NKAIN2: variants seen among roughly 807,000 people sequenced by gnomAD.
NKAIN2 encodes sodium/potassium transporting ATPase interacting 2.
Under a neutral mutation model 32.6 loss-of-function variants are expected in NKAIN2, and 14 were observed. The observed-to-expected ratio is 0.43, with a 90% CI of 0.28 to 0.67. NKAIN2 has a LOEUF of 0.67. Among genes scored for constraint, NKAIN2 ranks in the 30% least tolerant of loss-of-function variants. The pLI, the probability that NKAIN2 is intolerant of heterozygous loss-of-function variation, is 0.17. For missense variants in NKAIN2, 198 were observed against 258.3 expected, an observed-to-expected ratio of 0.77 and a Z score of 1.60; for synonymous variants, 80 against 87.2, an observed-to-expected ratio of 0.92 and a Z score of 0.46.
At position 123,941,999 on chromosome 6, in the gene NKAIN2, T is replaced by C. The variant is rs146011683; in HGVS notation, c.54+137745T>C. Among the ~76,000 whole-genome samples the C allele has an allele frequency of 1.9e-3, 291 of 152,116 alleles. 1 individual carries two copies. Among genetic ancestry groups the C allele is most frequent in the African/African-American group, 6.8e-3 (282 of 41,548 alleles). On this transcript the variant is annotated intron_variant, in intron 1 of 6. Coordinates refer to ENST00000368417, the MANE Select transcript of NKAIN2 (RefSeq NM_001040214.3). ...TCAGAAATAGCTGTAAAATAGCTAG[T>C]ATGTAGCACTCTAAAGATGCAGCAT... is the stretch of plus-strand genomic sequence containing the variant.
At chr6:124,733,310 AT>A (rs1776777010) in intron 4 of NKAIN2, among the ~76,000 whole-genome samples, 1 of 151,894 alleles carries the variant, frequency 6.6e-6, no homozygotes, top group Admixed American at 6.6e-5. Context: ...TAATATATGA[AT>A]TTTTTAATAA....
chr6:124,209,798 AG>A (rs2114655027), intron 1 of NKAIN2, among the ~76,000 whole-genome samples: 1 of 151,648 alleles, frequency 6.6e-6, no homozygotes, highest in East Asian at 1.9e-4. Flanking sequence ...TATTTTAATC[AG>A]ATTATTTTTA....
chr6:124,155,885 G>A lies in NKAIN2; in HGVS notation c.55-127120G>A, dbSNP rs530004053. On this transcript the variant is annotated intron_variant, in intron 1 of 6. Coordinates refer to ENST00000368417, the MANE Select transcript of NKAIN2 (RefSeq NM_001040214.3). Reference sequence around the variant, plus strand: ...CATATTGTTTCCTTGGTTTTAAATTGCACCTTAAGGTCCTTTGAATAGGGC... The same window carrying A: ...CATATTGTTTCCTTGGTTTTAAATTACACCTTAAGGTCCTTTGAATAGGGC... Among the ~76,000 whole-genome samples, 17 of 151,398 alleles carry A rather than the reference G, an allele frequency of 1.1e-4. No homozygotes were observed. In the South Asian group the frequency reaches 3.5e-3, roughly 32 times the overall value.
chr6:124,318,856 G>C (rs1408554350), intron 2 of NKAIN2, among the ~76,000 whole-genome samples: 1 of 152,074 alleles, frequency 6.6e-6, no homozygotes, highest in Non-Finnish European at 1.5e-5. Flanking sequence ...CCAAGAAAAA[G>C]AGATTCCAAA....
chr6:124,815,045 C>CG (rs779081770), intron 5 of NKAIN2, among the ~76,000 whole-genome samples: 21 of 151,634 alleles, frequency 1.4e-4, no homozygotes, highest in Admixed American at 3.9e-4. Flanking sequence ...CCACTCTCCA[C>CG]CACCATGGTA....
intron 2 of NKAIN2, among the ~76,000 whole-genome samples, chr6:124,350,130 A>G (rs1040751899): frequency 1.1e-4 from 17 of 152,206 alleles, no homozygotes; most frequent in Non-Finnish European, 2.4e-4. Flanking sequence ...ATACTTTATT[A>G]TATTAGGTCA....
chr6:124,585,922 T>C (rs890180757), intron 3 of NKAIN2, among the ~76,000 whole-genome samples: 1 of 152,222 alleles, frequency 6.6e-6, no homozygotes, highest in East Asian at 1.9e-4. Context: ...ATTTAAAAGA[T>C]CTTTGCCTAA....
At chr6:123,980,285 T>C (rs1161910792) in intron 1 of NKAIN2, among the ~76,000 whole-genome samples, 1 of 152,206 alleles carries the variant, frequency 6.6e-6, no homozygotes, top group Non-Finnish European at 1.5e-5. Flanking sequence ...GACTGGAGGC[T>C]CTGAAGCTGC....
chr6:124,642,382 G>C (rs1784025768), intron 3 of NKAIN2, among the ~76,000 whole-genome samples: 1 of 152,096 alleles, frequency 6.6e-6, no homozygotes, highest in African/African-American at 2.4e-5. Flanking sequence ...GATTTGCATA[G>C]ATCTATACAA....
intron 1 of NKAIN2, among the ~76,000 whole-genome samples, chr6:124,197,390 G>A (rs566686588): frequency 5.3e-5 from 8 of 151,900 alleles, no homozygotes; most frequent in Non-Finnish European, 4.4e-5. Flanking sequence ...TGTCCCCTTG[G>A]AGGAGCTCAC....
intron 3 of NKAIN2, among the ~76,000 whole-genome samples, chr6:124,446,939 G>A (rs571900112): frequency 6.6e-5 from 10 of 152,152 alleles, no homozygotes; most frequent in Admixed American, 2.0e-4. Flanking sequence ...TGAACAGCAC[G>A]GATGCTGCTA....
intron 1 of NKAIN2, among the ~76,000 whole-genome samples, chr6:124,165,769 T>G (rs904556873): frequency 2.0e-5 from 3 of 149,248 alleles, no homozygotes; most frequent in African/African-American, 7.4e-5. Flanking sequence ...ATGTGGTGTT[T>G]GGTTTTTTGT....
intron 4 of NKAIN2, among the ~76,000 whole-genome samples, chr6:124,756,256 G>A (rs1012304848): frequency 1.3e-5 from 2 of 152,126 alleles, no homozygotes; most frequent in East Asian, 1.9e-4. Flanking sequence ...GCTGCCTGAG[G>A]CCCCTTCCTC....
rs1363888373 is a variant in NKAIN2 at position 123,804,125 on chromosome 6, G to T, written c.-76G>T. On this transcript the variant is annotated 5_prime_UTR_variant, in exon 1 of 7. Transcript: ENST00000368417. Reference sequence around the variant, plus strand: ...GGCAGGTTTGCGTGTCCTTCCCCGCGATCTGATTGGATAAAGTGGGGGCTC... The same window carrying T: ...GGCAGGTTTGCGTGTCCTTCCCCGCTATCTGATTGGATAAAGTGGGGGCTC... The T allele has an allele frequency of 2.9e-6, 4 of 1,370,288 alleles. No homozygotes were observed. The African/African-American group carries it at 4.3e-5, about 15-fold the overall frequency. 84.9% of individuals were successfully genotyped at this position (1,370,288 alleles called of 1,614,324 possible).
At chr6:123,940,798 T>G (rs1776781727) in intron 1 of NKAIN2, among the ~76,000 whole-genome samples, 1 of 152,024 alleles carries the variant, frequency 6.6e-6, no homozygotes, top group African/African-American at 2.4e-5. Context: ...TACTGTACAC[T>G]AAGATTTTAT....
intron 1 of NKAIN2, among the ~76,000 whole-genome samples, chr6:123,935,121 A>G (rs1188781976): frequency 6.8e-6 from 1 of 147,564 alleles, no homozygotes. Context: ...TGAAATAAAT[A>G]TGTTAAATAT....
intron 3 of NKAIN2, among the ~76,000 whole-genome samples, chr6:124,520,768 G>A (rs773210225): frequency 2.6e-5 from 4 of 152,054 alleles, no homozygotes; most frequent in Non-Finnish European, 2.9e-5. Flanking sequence ...TCTGTGACTC[G>A]ATTATCATAT....
chr6:124,187,001 A>G lies in NKAIN2; in HGVS notation c.55-96004A>G, dbSNP rs183767074. Among the ~76,000 whole-genome samples, 431 of 152,216 alleles carry G rather than the reference A, an allele frequency of 2.8e-3. 4 individuals carry two copies. The highest frequency in any genetic ancestry group is 3.7e-3 in the Admixed American group (57 of 15,282). On this transcript the variant is annotated intron_variant, in intron 1 of 6. Coordinates refer to ENST00000368417, the MANE Select transcript of NKAIN2 (RefSeq NM_001040214.3). ...AAAATTTTTACTTAAACTGAACTCT[A>G]TATTTGCTGGTGGCATGATGCTTTT... is the stretch of plus-strand genomic sequence containing the variant.
intron 1 of NKAIN2, among the ~76,000 whole-genome samples, chr6:123,965,043 C>A (rs1340853131): frequency 1.3e-5 from 2 of 152,062 alleles, no homozygotes; most frequent in African/African-American, 4.8e-5. Flanking sequence ...TCCTTTTACC[C>A]AGAATGTCTG....
Sources: allele counts gnomAD v4.1 joint callset (sites outside exome capture counted in the v4.1 genomes callset), GRCh38; gene constraint gnomAD v4.1.1; transcripts MANE v1.5; gene names NCBI Gene and HGNC (gene_info 2026-07-23, HGNC 2026-07-21).